Variants in CCBE1 observed in about 807,000 individuals in gnomAD.
CCBE1 encodes the protein collagen and calcium-binding EGF domain-containing protein 1.
A neutral mutation model predicts 50.0 loss-of-function variants in CCBE1; 37 were observed. That is an observed-to-expected ratio of 0.74 (90% CI 0.57 to 0.97). The LOEUF is 0.97. CCBE1 is among the 50% of genes least tolerant of loss of function. CCBE1 has a pLI of 0.00. For synonymous variants in CCBE1, 234 were observed against 203.7 expected, an observed-to-expected ratio of 1.15 and a Z score of -1.27; for missense variants, 538 against 523.8, an observed-to-expected ratio of 1.03 and a Z score of -0.26.
chr18:59,448,156 C>A (rs565982809), intron 6 of CCBE1, 53 bp from the exon 7 acceptor site: 8 of 1,609,842 alleles, frequency 5.0e-6, no homozygotes, highest in Non-Finnish European at 6.8e-6. Context: ...AAGAGAGCCT[C>A]GGCATTTGTC....
chr18:59,501,869 C>T (rs1005020657), intron 2 of CCBE1, among the ~76,000 whole-genome samples: 25 of 152,150 alleles, frequency 1.6e-4, no homozygotes, highest in African/African-American at 5.8e-4. Context: ...TGCAGTGGTA[C>T]AATCGTAGCT....
chr18:59,592,914 A>T (rs79931951), intron 2 of CCBE1, among the ~76,000 whole-genome samples: 6,903 of 151,166 alleles, frequency 0.046, 214 homozygotes, highest in East Asian at 0.13. Flanking sequence ...GTTTAAAAAT[A>T]AAAAAAAAGG....
chr18:59,600,201 G>A (rs757091780), intron 2 of CCBE1, among the ~76,000 whole-genome samples: 7 of 152,110 alleles, frequency 4.6e-5, no homozygotes, highest in Non-Finnish European at 8.8e-5. Flanking sequence ...TCTACCTCCT[G>A]TCAGATCAGC....
At chr18:59,525,374 T>C (rs1056380899) in intron 2 of CCBE1, among the ~76,000 whole-genome samples, 4 of 152,270 alleles carry the variant, frequency 2.6e-5, no homozygotes, top group African/African-American at 9.6e-5. Flanking sequence ...ATAAATGTCT[T>C]CTGAAAAGTG....
At chr18:59,648,882 C>T (rs1377555767) in intron 2 of CCBE1, among the ~76,000 whole-genome samples, 1 of 152,190 alleles carries the variant, frequency 6.6e-6, no homozygotes, top group Non-Finnish European at 1.5e-5. Flanking sequence ...TGTATTTCTT[C>T]AACCAAGTTT....
intron 2 of CCBE1, among the ~76,000 whole-genome samples, chr18:59,548,403 C>T (rs1014616630): frequency 6.6e-6 from 1 of 152,148 alleles, no homozygotes; most frequent in African/African-American, 2.4e-5. Flanking sequence ...GATCTTCCAG[C>T]CTATGAAGGA....
At chr18:59,534,694 C>T (rs1163910011) in intron 2 of CCBE1, among the ~76,000 whole-genome samples, 1 of 152,196 alleles carries the variant, frequency 6.6e-6, no homozygotes, top group East Asian at 1.9e-4. Context: ...ACAAGCTGTC[C>T]AGGTCATTTC....
At chr18:59,670,967 T>C (rs2054422135) in intron 2 of CCBE1, among the ~76,000 whole-genome samples, 1 of 152,142 alleles carries the variant, frequency 6.6e-6, no homozygotes, top group African/African-American at 2.4e-5. Flanking sequence ...TAATTTTCAA[T>C]CCTATCACTC....
intron 2 of CCBE1, among the ~76,000 whole-genome samples, chr18:59,648,430 G>T (rs938375233): frequency 2.6e-5 from 4 of 152,126 alleles, no homozygotes; most frequent in Non-Finnish European, 5.9e-5. Flanking sequence ...CAGCAGCCAG[G>T]CATGGGGGCT....
intron 3 of CCBE1, among the ~76,000 whole-genome samples, chr18:59,479,393 T>C (rs1252581631): frequency 6.6e-6 from 1 of 152,188 alleles, no homozygotes. Context: ...ATGTCCCCTC[T>C]GAACACTTTC....
chr18:59,522,894 CAGG>C (rs1260442998), intron 2 of CCBE1, among the ~76,000 whole-genome samples: 1 of 147,880 alleles, frequency 6.8e-6, no homozygotes, highest in African/African-American at 2.5e-5. Flanking sequence ...CGGGAGGCTG[CAGG>C]AGGAGAGTGG....
chr18:59,460,521 T>C (rs753787555), intron 5 of CCBE1, among the ~76,000 whole-genome samples: 2 of 152,238 alleles, frequency 1.3e-5, no homozygotes, highest in Non-Finnish European at 2.9e-5. Context: ...CTGTGACATT[T>C]CTTATTGCTG....
chr18:59,516,572 G>A (rs1363305010), intron 2 of CCBE1, among the ~76,000 whole-genome samples: 1 of 152,066 alleles, frequency 6.6e-6, no homozygotes, highest in East Asian at 1.9e-4. Context: ...AAGTCCAGGG[G>A]GTCACTGCAG....
intron 2 of CCBE1, among the ~76,000 whole-genome samples, chr18:59,572,685 T>C (rs2052931028): frequency 6.6e-6 from 1 of 152,208 alleles, no homozygotes; most frequent in Non-Finnish European, 1.5e-5. Context: ...ATATGTTTGC[T>C]TAATAGGGAG....
At chr18:59,697,104 G>A in intron 1 of CCBE1, 108 bp downstream of exon 1, 1 of 1,417,252 alleles carries the variant, frequency 7.1e-7, no homozygotes, top group Admixed American at 2.0e-5. Flanking sequence ...AGAAGTGAGG[G>A]CGTGCGGATC....
chr18:59,565,278 A>G (rs1290811578), intron 2 of CCBE1, among the ~76,000 whole-genome samples: 1 of 152,228 alleles, frequency 6.6e-6, no homozygotes, highest in African/African-American at 2.4e-5. Context: ...AGGCTGTCAG[A>G]GTTCTAGGAA....
chr18:59,696,416 A>G, intron 2 of CCBE1: 1 of 1,292,766 alleles, frequency 7.7e-7, no homozygotes, highest in Non-Finnish European at 1.0e-6. Context: ...CTCAGGGCAC[A>G]CACCCTAGAC....
At chr18:59,549,094 C>G (rs992097148) in intron 2 of CCBE1, among the ~76,000 whole-genome samples, 1 of 121,796 alleles carries the variant, frequency 8.2e-6, no homozygotes, top group African/African-American at 3.3e-5. Context: ...CAGAATAAGA[C>G]TCCGTCTCAA....
At chr18:59,696,356 T>A in intron 2 of CCBE1, 1 of 737,876 alleles carries the variant, frequency 1.4e-6, no homozygotes, top group Non-Finnish European at 2.0e-6. Context: ...CCAATCTCCT[T>A]CACAGACTTC....
Sources: gnomAD v4.1 joint callset for allele counts (sites outside exome capture counted in the v4.1 genomes callset) on GRCh38, gnomAD v4.1.1 for gene constraint, MANE v1.5 for transcripts, NCBI Gene and HGNC (gene_info 2026-07-23, HGNC 2026-07-21) for gene names.